Variants in CAMTA1 observed in about 807,000 individuals in gnomAD.
The protein encoded by CAMTA1 is calmodulin-binding transcription activator 1.
Under a neutral mutation model 170.9 loss-of-function variants are expected in CAMTA1, and 27 were observed. That is an observed-to-expected ratio of 0.16 (90% CI 0.12 to 0.22). The LOEUF (loss-of-function observed/expected upper bound fraction) is 0.22. Ranked by LOEUF, CAMTA1 falls within the 10% of genes least tolerant of loss-of-function variation. The probability of loss-of-function intolerance (pLI) is 1.00; values close to 1 mark genes in which losing one functional copy is unlikely to be tolerated. For synonymous variants in CAMTA1, 833 were observed against 891.5 expected (o/e 0.93, Z 1.17); for missense variants, 1,619 against 2,217.2 (o/e 0.73, Z 5.42).
At chr1:7,411,080 A>T (rs555067505) in intron 5 of CAMTA1, among the ~76,000 whole-genome samples, 1 of 152,092 alleles carries the variant, frequency 6.6e-6, no homozygotes. Context: ...ACTCCATAAT[A>T]TATTCGATTC....
intron 4 of CAMTA1, among the ~76,000 whole-genome samples, chr1:7,197,407 GCT>G: frequency 6.6e-6 from 1 of 152,192 alleles, no homozygotes; most frequent in East Asian, 1.9e-4. Flanking sequence ...ACCAGGAGAT[GCT>G]CTCTCAGCTG....
At chr1:6,834,552 C>A in intron 3 of CAMTA1, 1 of 231,898 alleles carries the variant, frequency 4.3e-6, no homozygotes, top group Non-Finnish European at 8.5e-6. Flanking sequence ...TAGGCCTTCA[C>A]GCCACAGCGG....
intron 4 of CAMTA1, among the ~76,000 whole-genome samples, chr1:7,106,272 GA>G (rs1203460957): frequency 6.6e-6 from 1 of 151,322 alleles, no homozygotes; most frequent in African/African-American, 2.4e-5. Flanking sequence ...GAGAGAGAGA[GA>G]AAGAAAGAAG....
chr1:7,091,588 T>G (rs1217932033), intron 4 of CAMTA1, among the ~76,000 whole-genome samples: 1 of 152,214 alleles, frequency 6.6e-6, no homozygotes, highest in Non-Finnish European at 1.5e-5. Flanking sequence ...ATCCGCCAGT[T>G]GGAACTTTTA....
At position 7,485,268 on chromosome 1, in the gene CAMTA1, C is replaced by T. The variant is rs147417885; in HGVS notation, c.510+17367C>T. ...TGCCAGTTGTCACCCATGTCTCCAT[C>T]GTGCCTCGTCTCTCAGGGTGTGTCA... On this transcript the variant is annotated intron_variant, in intron 6 of 22. Coordinates refer to ENST00000303635, the MANE Select transcript of CAMTA1 (RefSeq NM_015215.4). Among the ~76,000 whole-genome samples, 396 of 152,268 alleles carry T rather than the reference C, an allele frequency of 2.6e-3. 7 individuals carry two copies. The East Asian group carries it at 0.03, about 12-fold the overall frequency.
intron 5 of CAMTA1, among the ~76,000 whole-genome samples, chr1:7,348,909 C>A (rs531464145): frequency 6.6e-6 from 1 of 152,292 alleles, no homozygotes; most frequent in East Asian, 1.9e-4. Flanking sequence ...TCAAAGTTGC[C>A]TACTTCTCAT....
At chr1:7,002,323 C>A (rs894724961) in intron 3 of CAMTA1, among the ~76,000 whole-genome samples, 1 of 152,152 alleles carries the variant, frequency 6.6e-6, no homozygotes, top group Non-Finnish European at 1.5e-5. Context: ...AGTCAGGAGA[C>A]CCACCTGCAT....
intron 6 of CAMTA1, among the ~76,000 whole-genome samples, chr1:7,577,122 G>A (rs1356106603): frequency 6.6e-6 from 1 of 152,172 alleles, no homozygotes; most frequent in Non-Finnish European, 1.5e-5. Context: ...TGGTGTGAGG[G>A]ATCAACAAGC....
intron 3 of CAMTA1, among the ~76,000 whole-genome samples, chr1:6,956,766 C>A (rs1689527100): frequency 6.6e-6 from 1 of 152,208 alleles, no homozygotes; most frequent in African/African-American, 2.4e-5. Context: ...AGTGTTGGCC[C>A]ATTAACTCCC....
At chr1:7,149,318 G>T (rs1042774544) in intron 4 of CAMTA1, among the ~76,000 whole-genome samples, 8 of 152,220 alleles carry the variant, frequency 5.3e-5, no homozygotes, top group Non-Finnish European at 1.2e-4. Flanking sequence ...TTCTGGCAGG[G>T]CACCGTGGTT....
In CAMTA1 at chr1:7,698,107, C is replaced by T. The variant is rs147440806; in HGVS notation, c.2914+20374C>T. 8.7e-4 allele frequency among the ~76,000 whole-genome samples: 120 copies of T among 138,142 alleles called. 1 individual carries two copies. The East Asian group carries it at 0.028, about 33-fold the overall frequency. 90.6% of individuals were successfully genotyped at this position (138,142 alleles called of 152,430 possible). The stretch of plus-strand genomic sequence containing the variant: ...CCCCCCCACCAACATGGCCTTAGAC[C>T]TGTCCCTTCAGCAGCAACAACGGAT... On this transcript the variant is annotated intron_variant, in intron 11 of 22. Coordinates refer to ENST00000303635, the MANE Select transcript of CAMTA1 (RefSeq NM_015215.4).
intron 3 of CAMTA1, among the ~76,000 whole-genome samples, chr1:6,827,827 G>A (rs750687903): frequency 2.0e-5 from 3 of 152,164 alleles, no homozygotes; most frequent in African/African-American, 7.2e-5. Context: ...TTAAGAGCCC[G>A]TTTTCCTTCC....
chr1:7,218,352 A>G (rs972286603), intron 4 of CAMTA1, among the ~76,000 whole-genome samples: 2 of 152,064 alleles, frequency 1.3e-5, no homozygotes, highest in Non-Finnish European at 2.9e-5. Context: ...TTTCTTTCAT[A>G]GTCTTCTACA....
chr1:7,671,955 T>G, intron 10 of CAMTA1: 1 of 455,116 alleles, frequency 2.2e-6, no homozygotes, highest in Admixed American at 2.4e-5. Context: ...ACGGAATGAA[T>G]GAGTCTCCAG....
intron 11 of CAMTA1, among the ~76,000 whole-genome samples, chr1:7,709,994 T>G (rs2096557132): frequency 6.6e-6 from 1 of 152,246 alleles, no homozygotes; most frequent in African/African-American, 2.4e-5. Flanking sequence ...TATTTCCTAA[T>G]TCTCTTTCAA....
rs78425524 is a variant in CAMTA1, at chr1:7,255,456, G to A, written c.438+5830G>A. Among the ~76,000 whole-genome samples the A allele has an allele frequency of 9.5e-3, 1,440 of 151,826 alleles. 23 individuals are homozygous for A. The highest frequency in any genetic ancestry group is 0.032 in the African/African-American group (1,326 of 41,356). The stretch of plus-strand genomic sequence containing the variant: ...CATTCAGAAGCTGTTTTTTTCCCAC[G>A]TCTAGGTCCACATTGTCTTAGCCTC... On this transcript the variant is annotated intron_variant, in intron 5 of 22. Coordinates refer to ENST00000303635, the MANE Select transcript of CAMTA1 (RefSeq NM_015215.4).
chr1:7,231,037 A>G (rs571799585), intron 4 of CAMTA1, among the ~76,000 whole-genome samples: 1 of 152,254 alleles, frequency 6.6e-6, no homozygotes, highest in Admixed American at 6.5e-5. Context: ...GAAGGAGGCC[A>G]ACTGGGTCAC....
intron 4 of CAMTA1, among the ~76,000 whole-genome samples, chr1:7,246,422 T>C (rs1665786163): frequency 6.6e-6 from 1 of 152,180 alleles, no homozygotes; most frequent in Non-Finnish European, 1.5e-5. Flanking sequence ...TGGAAGTGGG[T>C]GGCATTATTA....
intron 3 of CAMTA1, among the ~76,000 whole-genome samples, chr1:7,040,153 A>C (rs1704206179): frequency 6.7e-6 from 1 of 149,224 alleles, no homozygotes. Context: ...TAGACACGCT[A>C]ACTGTGATTT....
Sources: allele counts gnomAD v4.1 joint callset (sites outside exome capture counted in the v4.1 genomes callset), GRCh38; gene constraint gnomAD v4.1.1; transcripts MANE v1.5; gene names NCBI Gene and HGNC (gene_info 2026-07-23, HGNC 2026-07-21).